Variants in PACRGL observed in about 807,000 individuals in gnomAD.
PACRGL encodes parkin coregulated like.
PACRGL carries 38 observed loss-of-function variants against 34.5 expected under a neutral mutation model. The observed-to-expected ratio is 1.10, with a 90% CI of 0.85 to 1.44. The LOEUF (loss-of-function observed/expected upper bound fraction) is 1.44. Ranked by LOEUF, PACRGL falls within the 40% of genes most tolerant of loss-of-function variation. PACRGL has a pLI of 0.00. For synonymous variants in PACRGL, 128 were observed against 100.1 expected, an observed-to-expected ratio of 1.28 and a Z score of -1.66; for missense variants, 305 against 281.4, an observed-to-expected ratio of 1.08 and a Z score of -0.60.
At chr4:20,736,653 T>C (rs1318199209), downstream of PACRGL, among the ~76,000 whole-genome samples, 1 of 152,226 alleles carries the variant, frequency 6.6e-6, no homozygotes, top group Admixed American at 6.5e-5. Flanking sequence ...ATATTCTTAG[T>C]TTTTTCTTGA....
chr4:20,767,291 A>C, the PACRGL span: 1 of 152,182 alleles, frequency 6.6e-6, no homozygotes, highest in African/African-American at 2.4e-5. Flanking sequence ...ATTTACCCTA[A>C]AAGAAAGGAA....
upstream of PACRGL, among the ~76,000 whole-genome samples, chr4:20,699,823 T>C (rs1287874208): frequency 6.6e-6 from 1 of 152,180 alleles, no homozygotes; most frequent in African/African-American, 2.4e-5. Flanking sequence ...ATGTGGAGCA[T>C]AAAATCGTGC....
intron 7 of PACRGL, among the ~76,000 whole-genome samples, chr4:20,716,846 C>G (rs564620472): frequency 6.6e-6 from 1 of 152,170 alleles, no homozygotes; most frequent in Non-Finnish European, 1.5e-5. Context: ...TGGGTATATA[C>G]CCAGTAATGG....
At chr4:20,756,259 TA>T (rs2149354046), downstream of PACRGL, among the ~76,000 whole-genome samples, 1 of 152,102 alleles carries the variant, frequency 6.6e-6, no homozygotes, top group South Asian at 2.1e-4. Context: ...CTATATTGAG[TA>T]GATGTCAAAG....
intron 8 of PACRGL, among the ~76,000 whole-genome samples, chr4:20,746,017 C>T (rs1752340211): frequency 6.6e-6 from 1 of 152,122 alleles, no homozygotes; most frequent in South Asian, 2.1e-4. Context: ...CACAGCCATC[C>T]CATTACTGGG....
chr4:20,756,840 C>T (rs938138440), downstream of PACRGL, among the ~76,000 whole-genome samples: 1 of 151,980 alleles, frequency 6.6e-6, no homozygotes, highest in African/African-American at 2.4e-5. Context: ...CTTTGTTGAT[C>T]CCTTTTCCTT....
downstream of PACRGL, among the ~76,000 whole-genome samples, chr4:20,733,545 A>G (rs780206038): frequency 1.2e-4 from 18 of 152,210 alleles, no homozygotes; most frequent in Non-Finnish European, 1.9e-4. Context: ...AGTAATTTGT[A>G]AACAGGTGAA....
rs78290805 is a variant in PACRGL at position 20,730,140 on chromosome 4, G to C, written c.*2799G>C. 257 of 1,602,028 alleles carry C rather than the reference G, an allele frequency of 1.6e-4. 1 individual carries two copies. The East Asian group carries it at 5.8e-3, about 36-fold the overall frequency. On this transcript the variant is annotated 3_prime_UTR_variant, in exon 9 of 9. Transcript: ENST00000503585. ...CATTATGTTTTCATCCTGTAAGGGA[G>C]AAACACAGAGCGATTAAATTCAGCA...
intron 6 of PACRGL, 138 bp downstream of exon 6, chr4:20,713,060 T>G: frequency 1.0e-6 from 1 of 961,936 alleles, no homozygotes. Context: ...CTGACACATT[T>G]ACAGAATTAG....
chr4:20,738,379 C>A (rs1750214011), intron 8 of PACRGL, among the ~76,000 whole-genome samples: 1 of 152,152 alleles, frequency 6.6e-6, no homozygotes, highest in Admixed American at 6.5e-5. Flanking sequence ...ATGTGCAACA[C>A]AGTCACCTGG....
chr4:20,751,717 G>T (rs1450102098), intron 8 of PACRGL, among the ~76,000 whole-genome samples: 1 of 152,108 alleles, frequency 6.6e-6, no homozygotes, highest in Non-Finnish European at 1.5e-5. Flanking sequence ...GATAACATGG[G>T]TATATGATAA....
At chr4:20,733,696 T>C (rs1293307932), downstream of PACRGL, among the ~76,000 whole-genome samples, 1 of 152,156 alleles carries the variant, frequency 6.6e-6, no homozygotes, top group Non-Finnish European at 1.5e-5. Flanking sequence ...GGGTAATAAA[T>C]ATTCATGATA....
rs556724378 is a variant in PACRGL at position 20,713,263 on chromosome 4, G to A, written c.502-169G>A. 8.4e-5 allele frequency: 51 copies of A among 607,906 alleles called. No homozygotes were observed. The East Asian group carries it at 1.4e-3, about 17-fold the overall frequency. 37.7% of individuals were successfully genotyped at this position (607,906 alleles called of 1,614,324 possible). A position where few individuals can be genotyped will look rare whatever the true frequency, so the allele number is the denominator to read the frequency against. ...TGTTTTTTGCTTCTAGATGTCCTGT[G>A]TTGAAGGTTATTTTTAAAATTCTAG... On this transcript the variant is annotated intron_variant, in intron 6 of 8. Transcript: ENST00000503585.
the PACRGL span, among the ~76,000 whole-genome samples, chr4:20,764,771 A>G: frequency 2.0e-5 from 3 of 152,066 alleles, no homozygotes; most frequent in African/African-American, 7.2e-5. Flanking sequence ...TCTGAAAATT[A>G]CCAGTGGACA....
chr4:20,702,229 G>A, intron 1 of PACRGL: 1 of 456,532 alleles, frequency 2.2e-6, no homozygotes, highest in South Asian at 1.6e-5. Context: ...TTGGTAGGTA[G>A]TATTGAAAAA....
chr4:20,743,942 A>T (rs1751796887), intron 8 of PACRGL, among the ~76,000 whole-genome samples: 1 of 152,174 alleles, frequency 6.6e-6, no homozygotes, highest in Non-Finnish European at 1.5e-5. Flanking sequence ...CCCTTCAAAA[A>T]GTGGGCAAAG....
intron 8 of PACRGL, among the ~76,000 whole-genome samples, chr4:20,742,025 G>A (rs1190300350): frequency 6.6e-6 from 1 of 152,120 alleles, no homozygotes; most frequent in Non-Finnish European, 1.5e-5. Flanking sequence ...CCAGGAAGAA[G>A]TTGAATCCCT....
intron 5 of PACRGL, among the ~76,000 whole-genome samples, chr4:20,711,748 CAT>C (rs1291368750): frequency 6.6e-6 from 1 of 152,054 alleles, no homozygotes; most frequent in East Asian, 1.9e-4. Context: ...TTGGTTAAAT[CAT>C]AAAAGAGTAC....
In PACRGL at chr4:20,751,178, A is replaced by G. The variant is rs367945647; in HGVS notation, c.*57-1387A>G. 1.6e-4 allele frequency among the ~76,000 whole-genome samples: 25 copies of G among 152,330 alleles called. 1 individual carries two copies. The South Asian group carries it at 4.3e-3, about 26-fold the overall frequency. ...TCATCTCTCACCTTTTTAATATGCT[A>G]TGAAGAACTACTTATCTTTGAACAC... is the stretch of plus-strand genomic sequence containing the variant. On this transcript the variant is annotated intron_variant, in intron 8 of 8. Coordinates refer to the PACRGL transcript ENST00000507634.
Sources: gnomAD v4.1 joint callset for allele counts (sites outside exome capture counted in the v4.1 genomes callset) on GRCh38, gnomAD v4.1.1 for gene constraint, MANE v1.5 for transcripts, NCBI Gene and HGNC (gene_info 2026-07-23, HGNC 2026-07-21) for gene names.